Variants in ADARB2 observed in about 807,000 individuals in gnomAD.
ADARB2 encodes inactive double-stranded RNA-specific editase B2.
A neutral mutation model predicts 62.2 loss-of-function variants in ADARB2; 25 were observed. The observed-to-expected ratio is 0.40, with a 90% CI of 0.29 to 0.56. The LOEUF is 0.56. Among genes scored for constraint, ADARB2 ranks in the 20% least tolerant of loss-of-function variants. The pLI is 0.43. For synonymous variants in ADARB2, 572 were observed against 500.8 expected (o/e 1.14, Z -1.90); for missense variants, 1,071 against 1,077.4 (o/e 0.99, Z 0.08).
chr10:1,489,538 C>CGTGACT, intron 1 of ADARB2, among the ~76,000 whole-genome samples: 1 of 152,358 alleles, frequency 6.6e-6, no homozygotes, highest in East Asian at 1.9e-4. Context: ...CCGCAAGTCT[C>CGTGACT]GAGCTTTCTG....
At chr10:1,259,405 G>T (rs1831112516) in intron 4 of ADARB2, among the ~76,000 whole-genome samples, 1 of 152,080 alleles carries the variant, frequency 6.6e-6, no homozygotes, top group Non-Finnish European at 1.5e-5. Flanking sequence ...CCTCTAGCAA[G>T]ACTAATAAAG....
In ADARB2 at chr10:1,470,954, G is replaced by A. The variant is rs1486249059; in HGVS notation, c.101-91794C>T. On this transcript the variant is annotated intron_variant, in intron 1 of 9. Transcript: ENST00000381312. ...GGTGCCTGTAGTCTCAGCTATTCGG[G>A]AGGCTGAGGCAGGAGAATGGCGTGA... Among the ~76,000 whole-genome samples the A allele has an allele frequency of 2.0e-5, 3 of 152,298 alleles. No homozygotes were observed. In the East Asian group the frequency reaches 5.8e-4, roughly 29 times the overall value.
intron 3 of ADARB2, among the ~76,000 whole-genome samples, chr10:1,321,356 C>T (rs1200114921): frequency 6.6e-6 from 1 of 152,158 alleles, no homozygotes; most frequent in East Asian, 1.9e-4. Flanking sequence ...GCCTGCCATC[C>T]TCAGATACAG....
chr10:1,381,355 A>G (rs916962917), intron 1 of ADARB2, among the ~76,000 whole-genome samples: 5 of 152,262 alleles, frequency 3.3e-5, no homozygotes, highest in Non-Finnish European at 7.3e-5. Context: ...CCAAACCACA[A>G]TGAAATACCT....
chr10:1,633,576 C>CTATCTATCTATCTATCTA (rs1833875331), intron 1 of ADARB2, among the ~76,000 whole-genome samples: 16 of 145,414 alleles, frequency 1.1e-4, no homozygotes, highest in East Asian at 9.8e-4. Flanking sequence ...ATCTATCTAT[C>CTATCTATCTATCTATCTA]TATCTATCTA....
At chr10:1,495,314 C>A (rs1831672956) in intron 1 of ADARB2, among the ~76,000 whole-genome samples, 1 of 152,162 alleles carries the variant, frequency 6.6e-6, no homozygotes, top group South Asian at 2.1e-4. Flanking sequence ...CAAATACATG[C>A]AAGGTATATC....
chr10:1,562,008 C>G (rs1244722871), intron 1 of ADARB2, among the ~76,000 whole-genome samples: 1 of 152,222 alleles, frequency 6.6e-6, no homozygotes, highest in Non-Finnish European at 1.5e-5. Flanking sequence ...GCAGCCCCAG[C>G]TTCCGAGCTC....
At chr10:1,448,353 G>A (rs1335251529) in intron 1 of ADARB2, among the ~76,000 whole-genome samples, 1 of 152,150 alleles carries the variant, frequency 6.6e-6, no homozygotes, top group East Asian at 1.9e-4. Context: ...AGTGAACATG[G>A]GTTTTATGTA....
chr10:1,262,316 T>TAAA (rs1554749756), intron 4 of ADARB2, among the ~76,000 whole-genome samples: 3 of 137,862 alleles, frequency 2.2e-5, no homozygotes, highest in Non-Finnish European at 3.0e-5. Context: ...ATAATAATAA[T>TAAA]AATAAAAGAA....
At chr10:1,189,327 T>C (rs934602632) in intron 8 of ADARB2, among the ~76,000 whole-genome samples, 13 of 152,062 alleles carry the variant, frequency 8.5e-5, no homozygotes, top group African/African-American at 2.9e-4. Flanking sequence ...GCTGGTCCAG[T>C]TGCTTGCTCA....
chr10:1,558,027 C>T (rs1332884858), intron 1 of ADARB2, among the ~76,000 whole-genome samples: 4 of 152,192 alleles, frequency 2.6e-5, no homozygotes, highest in African/African-American at 9.7e-5. Context: ...GCTGAGTTCC[C>T]AGCCTCAGTG....
At chr10:1,343,429 G>T (rs910700432) in intron 3 of ADARB2, among the ~76,000 whole-genome samples, 2 of 152,224 alleles carry the variant, frequency 1.3e-5, no homozygotes, top group Non-Finnish European at 2.9e-5. Flanking sequence ...TAGTGGGAAT[G>T]TAGATTAGCT....
chr10:1,493,562 A>G (rs1433427118), intron 1 of ADARB2, among the ~76,000 whole-genome samples: 1 of 152,060 alleles, frequency 6.6e-6, no homozygotes, highest in Non-Finnish European at 1.5e-5. Flanking sequence ...GATCTCTCCG[A>G]ACCTATTTCC....
At chr10:1,526,604 T>C in intron 1 of ADARB2, 1 of 244,148 alleles carries the variant, frequency 4.1e-6, no homozygotes, top group East Asian at 1.4e-4. Context: ...GCCGCTCCCC[T>C]CCCCATCGGC....
chr10:1,394,967 T>G, intron 1 of ADARB2: 1 of 454,878 alleles, frequency 2.2e-6, no homozygotes, highest in South Asian at 1.6e-5. Flanking sequence ...GTCCCCAGGC[T>G]GGAGTGCAGT....
At position 1,638,946 on chromosome 10, in the gene ADARB2, C is replaced by T. The variant is rs371891767; in HGVS notation, c.100+98105G>A. On this transcript the variant is annotated intron_variant, in intron 1 of 9. Transcript: ENST00000381312. ...TTTCTTAAAGGAGGTGGAGAGGCTG[C>T]CTTGCCTGCACTCACACGGACTTCC... 1.6e-3 allele frequency among the ~76,000 whole-genome samples: 240 copies of T among 152,316 alleles called. 5 individuals carry two copies. In the South Asian group the frequency reaches 0.035, roughly 22 times the overall value.
rs2813405 is a variant in ADARB2 at position 1,477,964 on chromosome 10, G to C, written c.101-98804C>G. Reference sequence around the variant, plus strand: ...TAAGAGGGTCCATGTGGGATCCTGTGATGCCCAGGTAAACTGTCCCACTGT... The same window carrying C: ...TAAGAGGGTCCATGTGGGATCCTGTCATGCCCAGGTAAACTGTCCCACTGT... On this transcript the variant is annotated intron_variant, in intron 1 of 9. Coordinates refer to ENST00000381312, the MANE Select transcript of ADARB2 (RefSeq NM_018702.4). This position sits in a 1 kb window ranked among gnomAD's most constrained non-coding sequence, Gnocchi z 4.5. 0.97 allele frequency among the ~76,000 whole-genome samples: 148,249 copies of C among 152,280 alleles called. 72,283 individuals are homozygous for C. Among genetic ancestry groups the C allele is most frequent in the East Asian group, 1 (5,146 of 5,146 alleles).
At chr10:1,717,502 T>G (rs74706128) in intron 1 of ADARB2, among the ~76,000 whole-genome samples, 1 of 151,274 alleles carries the variant, frequency 6.6e-6, no homozygotes, top group African/African-American at 2.4e-5. Flanking sequence ...TCCTTTCCTT[T>G]CTTTCTTTCT....
chr10:1,591,928 C>T (rs910529324), intron 1 of ADARB2, among the ~76,000 whole-genome samples: 11 of 152,190 alleles, frequency 7.2e-5, no homozygotes, highest in Non-Finnish European at 1.2e-4. Flanking sequence ...CAAGATCGAC[C>T]TCCGGCCGGC....
Sources: gnomAD v4.1 joint callset for allele counts (sites outside exome capture counted in the v4.1 genomes callset) on GRCh38, gnomAD v4.1.1 for gene constraint, Gnocchi (gnomAD v3.1) non-coding constraint, MANE v1.5 for transcripts, NCBI Gene and HGNC (gene_info 2026-07-23, HGNC 2026-07-21) for gene names.